The following XKR6 variants were observed in gnomAD, a reference collection of about 807,000 sequenced individuals.
XKR6 encodes the protein XK related 6, also known as XK-related protein 6.
In XKR6, 22 loss-of-function variants were observed where a neutral mutation model predicts 56.7. The ratio of observed to expected loss-of-function variants is 0.39; its 90% CI spans 0.28 to 0.55. The LOEUF is 0.55. XKR6 is among the 20% of genes least tolerant of loss of function. The pLI, the probability that XKR6 is intolerant of heterozygous loss-of-function variation, is 0.66. For synonymous variants in XKR6, 524 were observed against 387.8 expected (o/e 1.35, Z -4.13); for missense variants, 852 against 889.0 (o/e 0.96, Z 0.53).
chr8:10,954,866 C>CTTTTTATTTTTTTTT (rs1801831543), intron 1 of XKR6, among the ~76,000 whole-genome samples: 1 of 92,794 alleles, frequency 1.1e-5, no homozygotes, highest in African/African-American at 4.3e-5. Flanking sequence ...ACTTCATTCT[C>CTTTTTATTTTTTTTT]TTTTTTTTTT....
chr8:11,159,129 A>C (rs934566051), intron 1 of XKR6, among the ~76,000 whole-genome samples: 1 of 152,210 alleles, frequency 6.6e-6, no homozygotes, highest in Non-Finnish European at 1.5e-5. Flanking sequence ...TCATGAATTT[A>C]GTTGGCCGTT....
At chr8:11,129,123 T>A (rs779286129) in intron 1 of XKR6, 5 of 369,346 alleles carry the variant, frequency 1.4e-5, no homozygotes, top group African/African-American at 4.3e-5. Context: ...CTTTGGGCTA[T>A]GATGAATAAA....
At chr8:11,126,861 T>C (rs1799825671) in intron 1 of XKR6, among the ~76,000 whole-genome samples, 1 of 152,172 alleles carries the variant, frequency 6.6e-6, no homozygotes, top group African/African-American at 2.4e-5. Flanking sequence ...CAAGTCATGT[T>C]GGAAACTGAT....
chr8:11,145,042 A>ACGGGAGGGAGGG (rs1800911001), intron 1 of XKR6, among the ~76,000 whole-genome samples: 1 of 128,912 alleles, frequency 7.8e-6, no homozygotes, highest in African/African-American at 3.2e-5. Flanking sequence ...GGAGAGAAAG[A>ACGGGAGGGAGGG]AGGGAGGGAG....
intron 1 of XKR6, among the ~76,000 whole-genome samples, chr8:11,048,487 C>T (rs1358967949): frequency 6.6e-6 from 1 of 152,140 alleles, no homozygotes; most frequent in African/African-American, 2.4e-5. Context: ...TATAGCAATA[C>T]CAGACAGCAA....
intron 1 of XKR6, chr8:11,137,211 G>C (rs1260020509): frequency 1.9e-5 from 4 of 213,596 alleles, no homozygotes; most frequent in Non-Finnish European, 3.7e-5. Flanking sequence ...GCTGTAGGCA[G>C]TGGAGAAGAG....
At chr8:11,051,259 C>T (rs933287939) in intron 1 of XKR6, among the ~76,000 whole-genome samples, 1 of 152,052 alleles carries the variant, frequency 6.6e-6, no homozygotes, top group Non-Finnish European at 1.5e-5. Flanking sequence ...GCTGGTTCCC[C>T]CACCTCCTGT....
intron 1 of XKR6, among the ~76,000 whole-genome samples, chr8:11,079,256 G>A (rs1800352628): frequency 6.6e-6 from 1 of 152,230 alleles, no homozygotes; most frequent in Admixed American, 6.5e-5. Flanking sequence ...TGTGTCAGAG[G>A]CAGGGAATGA....
intron 1 of XKR6, among the ~76,000 whole-genome samples, chr8:10,982,423 T>G (rs535551238): frequency 1.3e-5 from 2 of 152,322 alleles, no homozygotes; most frequent in South Asian, 4.1e-4. Context: ...GTCCCACCTC[T>G]AAAAATGAGA....
chr8:11,098,249 C>G (rs1389462276), intron 1 of XKR6, among the ~76,000 whole-genome samples: 4 of 152,082 alleles, frequency 2.6e-5, no homozygotes, highest in African/African-American at 9.7e-5. Context: ...ACAACACACA[C>G]ACACGCATGC....
intron 1 of XKR6, among the ~76,000 whole-genome samples, chr8:11,039,642 G>A (rs954802698): frequency 3.9e-5 from 6 of 152,354 alleles, no homozygotes; most frequent in African/African-American, 1.2e-4. Flanking sequence ...GGAGAGCCCG[G>A]CGGTAACAGT....
At chr8:11,120,027 G>A (rs1293229686) in intron 1 of XKR6, among the ~76,000 whole-genome samples, 1 of 152,118 alleles carries the variant, frequency 6.6e-6, no homozygotes, top group African/African-American at 2.4e-5. Context: ...GTATTGATGG[G>A]ACATATCTCA....
intron 1 of XKR6, among the ~76,000 whole-genome samples, chr8:11,116,903 T>G (rs1799204421): frequency 6.6e-6 from 1 of 152,176 alleles, no homozygotes; most frequent in African/African-American, 2.4e-5. Context: ...AGGCCTTTGA[T>G]GATAAAATAA....
chr8:11,095,571 G>A (rs1414771632), intron 1 of XKR6, among the ~76,000 whole-genome samples: 1 of 152,176 alleles, frequency 6.6e-6, no homozygotes, highest in Non-Finnish European at 1.5e-5. Flanking sequence ...ATGACAGCCT[G>A]ATTCTCCTAG....
chr8:11,051,879 G>A (rs572614170), intron 1 of XKR6, among the ~76,000 whole-genome samples: 3 of 152,238 alleles, frequency 2.0e-5, no homozygotes, highest in East Asian at 1.9e-4. Flanking sequence ...CGTGCAGAAC[G>A]TGCAGGTTTG....
At chr8:11,132,477 T>C (rs914230617) in intron 1 of XKR6, among the ~76,000 whole-genome samples, 2 of 151,916 alleles carry the variant, frequency 1.3e-5, no homozygotes, top group African/African-American at 4.8e-5. Context: ...ATTCTCCTGC[T>C]CAGCCTCCCG....
chr8:10,961,115 A>T lies in XKR6; in HGVS notation c.765-36285T>A, dbSNP rs183259151. On this transcript the variant is annotated intron_variant, in intron 1 of 2. Coordinates refer to ENST00000416569, the MANE Select transcript of XKR6 (RefSeq NM_173683.4). ...GGCAGGGACAGAGCATGAGGCAGAG[A>T]GAGGGTGGAGGGGAAGGCTGTGAGC... Among the ~76,000 whole-genome samples the T allele has an allele frequency of 5.5e-3, 839 of 152,244 alleles. 12 individuals carry two copies. The highest frequency in any genetic ancestry group is 0.019 in the African/African-American group (799 of 41,544).
At position 11,141,592 on chromosome 8, in the gene XKR6, G is replaced by T. The variant is rs188862426; in HGVS notation, c.764+58984C>A. Among the ~76,000 whole-genome samples the T allele has an allele frequency of 5.9e-5, 9 of 152,322 alleles. No homozygotes were observed. In the East Asian group the frequency reaches 1.7e-3, roughly 29 times the overall value. On this transcript the variant is annotated intron_variant, in intron 1 of 2. Transcript: ENST00000416569. ...TCTTGACGTGGACCCCAGCTCTGAGGACTCCCAGACCAGTGCTCTTGGCTC... is the reference window on the plus strand; with the variant it reads ...TCTTGACGTGGACCCCAGCTCTGAGTACTCCCAGACCAGTGCTCTTGGCTC...
intron 1 of XKR6, among the ~76,000 whole-genome samples, chr8:11,103,494 A>G (rs1798563245): frequency 6.6e-6 from 1 of 152,240 alleles, no homozygotes; most frequent in African/African-American, 2.4e-5. Context: ...ACTACCTGAC[A>G]ATGATCTCAA....
Sources: gnomAD v4.1 joint callset for allele counts (sites outside exome capture counted in the v4.1 genomes callset) on GRCh38, gnomAD v4.1.1 for gene constraint, MANE v1.5 for transcripts, NCBI Gene and HGNC (gene_info 2026-07-23, HGNC 2026-07-21) for gene names.